Variants in TAOK1 observed in about 807,000 individuals in gnomAD.
TAOK1 encodes serine/threonine-protein kinase TAO1.
Under a neutral mutation model 138.3 loss-of-function variants are expected in TAOK1, and 21 were observed. The observed-to-expected ratio is 0.15, with a 90% CI of 0.11 to 0.22. The LOEUF is 0.22. TAOK1 is among the 10% of genes least tolerant of loss of function. The pLI, the probability that TAOK1 is intolerant of heterozygous loss-of-function variation, is 1.00. For synonymous variants in TAOK1, 361 were observed against 398.4 expected, an observed-to-expected ratio of 0.91 and a Z score of 1.12; for missense variants, 651 against 1,227.7, an observed-to-expected ratio of 0.53 and a Z score of 7.02.
At chr17:29,472,560 CCTTT>C (rs1157441660) in intron 3 of TAOK1, among the ~76,000 whole-genome samples, 1 of 140,342 alleles carries the variant, frequency 7.1e-6, no homozygotes, top group African/African-American at 2.8e-5. Context: ...GCTGCTATAG[CCTTT>C]CTTTCTTTCT....
At position 29,477,652 on chromosome 17, in the gene TAOK1, TC is replaced by T. The variant is rs35800724; in HGVS notation, c.307-7del. 7.3e-7 allele frequency: 1 copy of T among 1,362,544 alleles called. No homozygotes were observed. The highest frequency in any genetic ancestry group is 9.6e-7 in the Non-Finnish European group (1 of 1,044,206). 84.4% of individuals were successfully genotyped at this position (1,362,544 alleles called of 1,614,324 possible). ...TATATTTTAATGCTTTTATAACTTT[TC>T]CATGTAGCTTGTAATGGAATATTGT... is the stretch of plus-strand genomic sequence containing the variant. On this transcript the variant is annotated splice_polypyrimidine_tract_variant and splice_region_variant and intron_variant, in intron 4 of 19. Coordinates refer to ENST00000261716, the MANE Select transcript of TAOK1 (RefSeq NM_020791.4).
chr17:29,500,875 G>A (rs555820960), intron 12 of TAOK1, among the ~76,000 whole-genome samples: 4 of 152,140 alleles, frequency 2.6e-5, no homozygotes, highest in African/African-American at 7.2e-5. Flanking sequence ...AGACACAAAA[G>A]GACAAATATT....
At chr17:29,431,109 T>A (rs1207316331) in intron 1 of TAOK1, among the ~76,000 whole-genome samples, 1 of 152,186 alleles carries the variant, frequency 6.6e-6, no homozygotes, top group Non-Finnish European at 1.5e-5. Context: ...GATTCCATTT[T>A]GGTTTGGTTT....
At chr17:29,410,635 G>GTTTTTTTTTTTTTTTTTTTTTT (rs1207404073) in intron 1 of TAOK1, among the ~76,000 whole-genome samples, 1 of 136,894 alleles carries the variant, frequency 7.3e-6, no homozygotes, top group Non-Finnish European at 1.6e-5. Context: ...TTTTTTTTTG[G>GTTTTTTTTTTTTTTTTTTTTTT]TTTTTTTTTT....
At chr17:29,422,562 A>C (rs1432250650) in intron 1 of TAOK1, among the ~76,000 whole-genome samples, 1 of 151,850 alleles carries the variant, frequency 6.6e-6, no homozygotes, top group Non-Finnish European at 1.5e-5. Flanking sequence ...TTTTTCAGAG[A>C]CTCTCCATTT....
At chr17:29,423,797 C>T (rs1288177945) in intron 1 of TAOK1, among the ~76,000 whole-genome samples, 1 of 151,510 alleles carries the variant, frequency 6.6e-6, no homozygotes, top group Non-Finnish European at 1.5e-5. Flanking sequence ...CCTGTAATCC[C>T]AGCACTTTGG....
intron 15 of TAOK1, chr17:29,513,038 T>C (rs1215256188): frequency 1.4e-5 from 2 of 146,670 alleles, no homozygotes; most frequent in African/African-American, 5.1e-5. Flanking sequence ...AGAAAAATGA[T>C]ATGTCTTTTA....
At chr17:29,434,000 TGATGGCCTGAAG>T (rs1905942024) in intron 1 of TAOK1, among the ~76,000 whole-genome samples, 1 of 152,114 alleles carries the variant, frequency 6.6e-6, no homozygotes, top group African/African-American at 2.4e-5. Flanking sequence ...ATTTGGAGTT[TGATGGCCTGAAG>T]GCAAGAACAG....
chr17:29,468,152 T>TTTTTTTTTTTTTTTTTTTTTG (rs1471553746), intron 3 of TAOK1, among the ~76,000 whole-genome samples: 1 of 145,784 alleles, frequency 6.9e-6, no homozygotes, highest in African/African-American at 2.6e-5. Context: ...TTTTTTTTTT[T>TTTTTTTTTTTTTTTTTTTTTG]AGGAGCTGGA....
intron 19 of TAOK1, among the ~76,000 whole-genome samples, chr17:29,536,973 TACAGGCGTGAGCC>T (rs2032234482): frequency 6.6e-6 from 1 of 152,200 alleles, no homozygotes; most frequent in Non-Finnish European, 1.5e-5. Flanking sequence ...ATGCTGGGAT[TACAGGCGTGAGCC>T]ACAGCGCCCG....
intron 17 of TAOK1, among the ~76,000 whole-genome samples, chr17:29,524,199 T>A (rs2031967051): frequency 6.6e-6 from 1 of 152,188 alleles, no homozygotes; most frequent in South Asian, 2.1e-4. Flanking sequence ...TTATAATGAT[T>A]TTTTAGATTT....
In TAOK1 at chr17:29,414,555, CTTTATTTA is replaced by C. The variant is rs554761995; in HGVS notation, c.-95+23543_-95+23550del. On this transcript the variant is annotated intron_variant, in intron 1 of 19. Transcript: ENST00000261716. ...GTGAACCACTGTGTCCAGCCCAATA[CTTTATTTA>C]TTTATTTATTTGAGATGGAGTCTCA... Among the ~76,000 whole-genome samples, 117 of 138,268 alleles carry C rather than the reference CTTTATTTA, an allele frequency of 8.5e-4. 1 individual carries two copies. The South Asian group carries it at 0.026, about 31-fold the overall frequency. The allele number at this position is 138,268 out of a possible 152,430, so 90.7% of individuals were successfully genotyped here. A position where few individuals can be genotyped will look rare whatever the true frequency, so the allele number is the denominator to read the frequency against.
At chr17:29,436,123 T>A (rs1906023712) in intron 1 of TAOK1, among the ~76,000 whole-genome samples, 1 of 152,052 alleles carries the variant, frequency 6.6e-6, no homozygotes, top group Non-Finnish European at 1.5e-5. Context: ...AGAGTGAAAC[T>A]CTGTCTCAAA....
intron 2 of TAOK1, among the ~76,000 whole-genome samples, chr17:29,463,888 A>C (rs142787897): frequency 1.3e-5 from 2 of 152,234 alleles, no homozygotes; most frequent in Non-Finnish European, 2.9e-5. Flanking sequence ...ACTCAATTTT[A>C]AAAATAGGCA....
chr17:29,486,170 T>G (rs2031168078), intron 8 of TAOK1, among the ~76,000 whole-genome samples: 1 of 151,986 alleles, frequency 6.6e-6, no homozygotes, highest in Admixed American at 6.6e-5. Flanking sequence ...GCACCTGTAG[T>G]CCCAGCTGCT....
intron 19 of TAOK1, among the ~76,000 whole-genome samples, chr17:29,534,645 G>A (rs528888): frequency 0.62 from 93,927 of 151,978 alleles, 29,848 homozygotes; most frequent in Non-Finnish European, 0.66. Context: ...GGTTGGAGAA[G>A]GACTTAACTA....
chr17:29,522,637 T>A lies in TAOK1; in HGVS notation c.2148+118T>A, dbSNP rs544914631. On this transcript the variant is annotated intron_variant, in intron 17 of 19. Coordinates refer to ENST00000261716, the MANE Select transcript of TAOK1 (RefSeq NM_020791.4). ...AGAAATTGACTAAGCTTCTTTTCAT[T>A]TTTAGCATCTTTGGTTGACTTTAAT... The A allele has an allele frequency of 6.4e-6, 9 of 1,412,020 alleles. No homozygotes were observed. In the African/African-American group the frequency reaches 1.3e-4, roughly 20 times the overall value. The allele number at this position is 1,412,020 out of a possible 1,614,324, so 87.5% of individuals were successfully genotyped here. A position where few individuals can be genotyped will look rare whatever the true frequency, so the allele number is the denominator to read the frequency against.
At chr17:29,434,655 G>A (rs1383672970) in intron 1 of TAOK1, among the ~76,000 whole-genome samples, 1 of 152,148 alleles carries the variant, frequency 6.6e-6, no homozygotes, top group Non-Finnish European at 1.5e-5. Flanking sequence ...ACAGTCAGTA[G>A]CTTTGGAGTT....
chr17:29,411,565 T>A (rs1275191883), intron 1 of TAOK1, among the ~76,000 whole-genome samples: 1 of 151,996 alleles, frequency 6.6e-6, no homozygotes, highest in Non-Finnish European at 1.5e-5. Flanking sequence ...CTAATTTTTT[T>A]TTTTTGTGGT....
Sources: gnomAD v4.1 joint callset for allele counts (sites outside exome capture counted in the v4.1 genomes callset) on GRCh38, gnomAD v4.1.1 for gene constraint, MANE v1.5 for transcripts, NCBI Gene and HGNC (gene_info 2026-07-23, HGNC 2026-07-21) for gene names.